Variants in SGCZ observed in about 807,000 individuals in gnomAD.
SGCZ encodes zeta-sarcoglycan.
SGCZ carries 40 observed loss-of-function variants against 41.3 expected under a neutral mutation model. The observed-to-expected ratio is 0.97, with a 90% CI of 0.75 to 1.26. The LOEUF (loss-of-function observed/expected upper bound fraction) is 1.26. SGCZ is among the 50% of genes most tolerant of loss of function. The pLI is 0.00. For missense variants in SGCZ, 552 were observed against 369.8 expected (o/e 1.49, Z -4.04); for synonymous variants, 206 against 137.5 (o/e 1.50, Z -3.49).
At chr8:14,988,790 T>C (rs531254789) in intron 1 of SGCZ, among the ~76,000 whole-genome samples, 1 of 152,122 alleles carries the variant, frequency 6.6e-6, no homozygotes, top group Non-Finnish European at 1.5e-5. Flanking sequence ...TTTCCTAAGA[T>C]ATGTAGAAGA....
At chr8:14,784,615 T>C (rs1800695683) in intron 1 of SGCZ, among the ~76,000 whole-genome samples, 1 of 151,812 alleles carries the variant, frequency 6.6e-6, no homozygotes, top group Non-Finnish European at 1.5e-5. Context: ...ATGTAGATAA[T>C]TGCTTTATTT....
At chr8:14,628,541 A>G (rs1251601810) in intron 1 of SGCZ, among the ~76,000 whole-genome samples, 1 of 152,074 alleles carries the variant, frequency 6.6e-6, no homozygotes, top group East Asian at 1.9e-4. Flanking sequence ...GTCCTCAAAT[A>G]TGAAACTAAG....
At chr8:14,383,189 T>C (rs988112643) in intron 2 of SGCZ, among the ~76,000 whole-genome samples, 7 of 152,222 alleles carry the variant, frequency 4.6e-5, no homozygotes, top group Admixed American at 2.0e-4. Flanking sequence ...CTGTTCTATA[T>C]GAACCATTTC....
At chr8:14,273,511 G>T (rs181819403) in intron 3 of SGCZ, among the ~76,000 whole-genome samples, 4 of 152,086 alleles carry the variant, frequency 2.6e-5, no homozygotes, top group Non-Finnish European at 5.9e-5. Context: ...TCTTCTGATG[G>T]ATTTCCCAAT....
In SGCZ at chr8:14,453,261, G is replaced by C. The variant is rs181399093; in HGVS notation, c.234+101471C>G. 2.0e-5 allele frequency among the ~76,000 whole-genome samples: 3 copies of C among 152,202 alleles called. No homozygotes were observed. In the East Asian group the frequency reaches 5.8e-4, roughly 29 times the overall value. On this transcript the variant is annotated intron_variant, in intron 2 of 7. Coordinates refer to ENST00000382080, the MANE Select transcript of SGCZ (RefSeq NM_139167.4). The stretch of plus-strand genomic sequence containing the variant: ...TCTTCATTGTGAGCAGCCTATGTCT[G>C]AAGCTCTGTCTAACATTAAGATACA...
intron 7 of SGCZ, among the ~76,000 whole-genome samples, chr8:14,098,661 A>AAAT (rs1801919469): frequency 6.6e-6 from 1 of 152,196 alleles, no homozygotes; most frequent in South Asian, 2.1e-4. Flanking sequence ...CACCTTGAAG[A>AAAT]AATATTAAAA....
Position 14,260,952 on chromosome 8 carries a change from TGTGGGGA to T in SGCZ, c.337-23280_337-23274del, listed in dbSNP as rs557835302. Among the ~76,000 whole-genome samples the T allele has an allele frequency of 9.2e-5, 14 of 151,774 alleles. No individual in the cohort carries two copies. The South Asian group carries it at 2.9e-3, about 32-fold the overall frequency. On this transcript the variant is annotated intron_variant, in intron 3 of 7. Coordinates refer to ENST00000382080, the MANE Select transcript of SGCZ (RefSeq NM_139167.4). Reference sequence around the variant, plus strand: ...TCACACTCCAGGGACAGTTGTGGGGTGTGGGGAGTGGGGAGGGATAGCATTGGGAGAT... The same window carrying T: ...TCACACTCCAGGGACAGTTGTGGGGTGTGGGGAGGGATAGCATTGGGAGAT...
intron 1 of SGCZ, among the ~76,000 whole-genome samples, chr8:15,013,507 A>T (rs1802913099): frequency 6.6e-6 from 1 of 152,104 alleles, no homozygotes; most frequent in Non-Finnish European, 1.5e-5. Flanking sequence ...CCTTTTCCTA[A>T]TGTTCTCCTC....
chr8:14,860,708 G>GAGAAAGAA (rs10532441), intron 1 of SGCZ, among the ~76,000 whole-genome samples: 3,895 of 132,714 alleles, frequency 0.029, 105 homozygotes, highest in African/African-American at 0.06. Context: ...AAGAAAGAAA[G>GAGAAAGAA]AGAAAGAAAG....
At chr8:14,321,313 T>G (rs1210668965) in intron 3 of SGCZ, among the ~76,000 whole-genome samples, 2 of 152,040 alleles carry the variant, frequency 1.3e-5, no homozygotes, top group Non-Finnish European at 2.9e-5. Flanking sequence ...GGTTAACTTT[T>G]GAAAAGCCTG....
At chr8:14,712,717 G>T (rs1809561265) in intron 1 of SGCZ, among the ~76,000 whole-genome samples, 1 of 152,102 alleles carries the variant, frequency 6.6e-6, no homozygotes, top group Admixed American at 6.5e-5. Flanking sequence ...CTTGAGAATA[G>T]TTTTATTTTC....
intron 1 of SGCZ, among the ~76,000 whole-genome samples, chr8:14,678,056 C>T (rs750534484): frequency 1.3e-5 from 2 of 152,020 alleles, no homozygotes; most frequent in Admixed American, 1.3e-4. Context: ...AAATGGATCA[C>T]AAACTTAAAT....
At chr8:14,970,178 A>C (rs1801244346) in intron 1 of SGCZ, among the ~76,000 whole-genome samples, 2 of 152,106 alleles carry the variant, frequency 1.3e-5, no homozygotes, top group South Asian at 4.1e-4. Flanking sequence ...CTTCCCATTC[A>C]TATAATTTGT....
chr8:14,673,424 G>GTCTCTCTCTCGCGCTCGCGCTGTC (rs1563193871), intron 1 of SGCZ, among the ~76,000 whole-genome samples: 10 of 151,020 alleles, frequency 6.6e-5, no homozygotes, highest in African/African-American at 2.4e-4. Flanking sequence ...CGCTCGCGCT[G>GTCTCTCTCTCGCGCTCGCGCTGTC]TCTCTCTCTC....
At chr8:14,365,897 T>A (rs1010208469) in intron 2 of SGCZ, among the ~76,000 whole-genome samples, 6 of 152,150 alleles carry the variant, frequency 3.9e-5, no homozygotes, top group Non-Finnish European at 8.8e-5. Context: ...CTGTTCTGTA[T>A]TTTTCTCTAT....
chr8:14,768,367 C>T (rs187600813), intron 1 of SGCZ, among the ~76,000 whole-genome samples: 5 of 152,286 alleles, frequency 3.3e-5, no homozygotes, highest in African/African-American at 1.2e-4. Flanking sequence ...CATGTTGCGT[C>T]CTATAGTGAT....
intron 4 of SGCZ, among the ~76,000 whole-genome samples, chr8:14,234,227 T>C (rs749676079): frequency 3.3e-5 from 5 of 152,078 alleles, no homozygotes; most frequent in Non-Finnish European, 7.4e-5. Flanking sequence ...TTGCATTTAT[T>C]GTATTAGAAA....
intron 2 of SGCZ, among the ~76,000 whole-genome samples, chr8:14,348,485 A>C (rs1174110238): frequency 6.6e-6 from 1 of 152,156 alleles, no homozygotes; most frequent in African/African-American, 2.4e-5. Context: ...TATTTGAGTC[A>C]TATATATTCG....
At chr8:15,191,655 T>C (rs1319286357) in intron 1 of SGCZ, among the ~76,000 whole-genome samples, 2 of 151,946 alleles carry the variant, frequency 1.3e-5, no homozygotes, top group Admixed American at 6.6e-5. Flanking sequence ...ATAAGGAATA[T>C]AAAAATAACT....
Sources: gnomAD v4.1 joint callset for allele counts (sites outside exome capture counted in the v4.1 genomes callset) on GRCh38, gnomAD v4.1.1 for gene constraint, MANE v1.5 for transcripts, NCBI Gene and HGNC (gene_info 2026-07-23, HGNC 2026-07-21) for gene names.